Variants in IL1RAPL2 observed in about 807,000 individuals in gnomAD.
IL1RAPL2 encodes the protein X-linked interleukin-1 receptor accessory protein-like 2.
IL1RAPL2 carries 3 observed loss-of-function variants against 44.1 expected under a neutral mutation model. The observed-to-expected ratio is 0.07, with a 90% CI of 0.03 to 0.18. The LOEUF is 0.18. IL1RAPL2 is among the 10% of genes least tolerant of loss of function. The probability of loss-of-function intolerance (pLI) is 1.00; values close to 1 mark genes in which losing one functional copy is unlikely to be tolerated. For synonymous variants in IL1RAPL2, 181 were observed against 178.8 expected (o/e 1.01, Z -0.10); for missense variants, 391 against 496.4 (o/e 0.79, Z 2.02).
intron 2 of IL1RAPL2, among the ~76,000 whole-genome samples, chrX:104,949,372 C>G (rs1212146177): frequency 2.7e-5 from 3 of 110,985 alleles, no homozygotes; most frequent in Admixed American, 1.9e-4. Flanking sequence ...AAAACCAGCT[C>G]CTGGATTCAC....
chrX:105,319,419 TC>T (rs1054264805), intron 5 of IL1RAPL2, among the ~76,000 whole-genome samples: 6 of 111,568 alleles, frequency 5.4e-5, no homozygotes, highest in African/African-American at 1.6e-4. Flanking sequence ...AGGCAGTGGG[TC>T]TAGGAAATTG....
At chrX:104,929,652 T>C (rs1487196689) in intron 2 of IL1RAPL2, among the ~76,000 whole-genome samples, 2 of 112,121 alleles carry the variant, frequency 1.8e-5, no homozygotes, top group Non-Finnish European at 3.8e-5. Flanking sequence ...CATGTGTGTT[T>C]AGGGCAGCAA....
chrX:105,054,977 A>G (rs1325818325), intron 2 of IL1RAPL2, among the ~76,000 whole-genome samples: 3 of 112,683 alleles, frequency 2.7e-5, no homozygotes, highest in African/African-American at 9.7e-5. Context: ...CCATTAAGAT[A>G]TCCTCATTAT....
chrX:104,897,742 C>T (rs1335117147), intron 2 of IL1RAPL2, among the ~76,000 whole-genome samples: 3 of 112,091 alleles, frequency 2.7e-5, no homozygotes, highest in Non-Finnish European at 5.6e-5. Flanking sequence ...TGTAAAGCAA[C>T]ACCAGGCATT....
intron 5 of IL1RAPL2, among the ~76,000 whole-genome samples, chrX:105,281,319 T>C (rs1367673485): frequency 1.8e-5 from 2 of 111,519 alleles, no homozygotes; most frequent in Admixed American, 9.5e-5. Flanking sequence ...AAATACCTAA[T>C]GTAGGTAACG....
intron 1 of IL1RAPL2, among the ~76,000 whole-genome samples, chrX:104,600,084 C>T (rs1425829603): frequency 8.9e-6 from 1 of 111,948 alleles, no homozygotes. Flanking sequence ...TGATGGAAAT[C>T]CTCATTAAAA....
rs768202209 is a variant in IL1RAPL2, at chrX:105,449,445, A to G, written c.698-34868A>G. Among the ~76,000 whole-genome samples the G allele has an allele frequency of 5.2e-4, 58 of 111,010 alleles. 1 individual carries two copies. Among genetic ancestry groups the G allele is most frequent in the African/African-American group, 1.4e-3 (43 of 30,510 alleles). ...TAAAAATACAAAAAATTAGCCGGGC[A>G]TGGTGGCGGGCTCCTGTAGTCCCAG... On this transcript the variant is annotated intron_variant, in intron 5 of 10. Transcript: ENST00000372582.
At chrX:105,641,892 T>C (rs752910655) in intron 6 of IL1RAPL2, among the ~76,000 whole-genome samples, 5 of 111,694 alleles carry the variant, frequency 4.5e-5, no homozygotes, top group Non-Finnish European at 9.4e-5. Flanking sequence ...GAGAAAGGCA[T>C]GGACCTTGAT....
rs73245747 is a variant in IL1RAPL2, at chrX:105,058,615, A to G, written c.83-136860A>G. 1.9e-3 allele frequency among the ~76,000 whole-genome samples: 208 copies of G among 112,306 alleles called. 1 individual carries two copies. The highest frequency in any genetic ancestry group is 9.1e-3 in the Middle Eastern group (2 of 219). On this transcript the variant is annotated intron_variant, in intron 2 of 10. Transcript: ENST00000372582. ...TGTAAAGACACATAGTAGAGATTCA[A>G]TTAAATTTGTTAAATGAATATGTTG...
intron 6 of IL1RAPL2, among the ~76,000 whole-genome samples, chrX:105,564,718 G>A (rs1464912089): frequency 1.8e-5 from 2 of 111,916 alleles, no homozygotes; most frequent in Non-Finnish European, 3.8e-5. Context: ...CCTCTGTGTG[G>A]TGTAGAAAAG....
At position 105,712,323 on chromosome X, in the gene IL1RAPL2, T is replaced by G. The variant is rs906189033; in HGVS notation, c.773-5044T>G. Among the ~76,000 whole-genome samples the G allele has an allele frequency of 2.1e-4, 24 of 111,794 alleles. No homozygotes were observed. In the Admixed American group the frequency reaches 2.3e-3, roughly 11 times the overall value. On this transcript the variant is annotated intron_variant, in intron 6 of 10. Coordinates refer to ENST00000372582, the MANE Select transcript of IL1RAPL2 (RefSeq NM_017416.2). ...CATCTGGGCCCTCTTGAGCCATGGC[T>G]GGGTGGCTGAGGGGTGCTACGCTGG...
intron 2 of IL1RAPL2, among the ~76,000 whole-genome samples, chrX:105,054,164 C>G (rs1820557063): frequency 9.0e-6 from 1 of 110,968 alleles, no homozygotes; most frequent in Non-Finnish European, 1.9e-5. Context: ...CACACACACA[C>G]ACATACACAC....
At position 105,154,947 on chromosome X, in the gene IL1RAPL2, G is replaced by A. The variant is rs567176318; in HGVS notation, c.83-40528G>A. ...ACTACCTTTAAAATTTTAATGGCAC[G>A]ATTCAGCCTTAAAACTTCCAACTCA... On this transcript the variant is annotated intron_variant, in intron 2 of 10. Coordinates refer to ENST00000372582, the MANE Select transcript of IL1RAPL2 (RefSeq NM_017416.2). 5.5e-4 allele frequency among the ~76,000 whole-genome samples: 61 copies of A among 111,599 alleles called. 1 individual carries two copies. Among genetic ancestry groups the A allele is most frequent in the African/African-American group, 1.9e-3 (60 of 30,772 alleles).
chrX:104,659,899 G>A (rs908394494), intron 2 of IL1RAPL2, among the ~76,000 whole-genome samples: 6 of 111,693 alleles, frequency 5.4e-5, no homozygotes, highest in African/African-American at 1.9e-4. Context: ...GGTGCTTGGA[G>A]TTTGGCTAAT....
chrX:104,912,470 A>G (rs780180577), intron 2 of IL1RAPL2, among the ~76,000 whole-genome samples: 2 of 111,324 alleles, frequency 1.8e-5, no homozygotes, highest in Non-Finnish European at 3.8e-5. Flanking sequence ...TAGTATAAGT[A>G]TTAATTTATA....
intron 2 of IL1RAPL2, among the ~76,000 whole-genome samples, chrX:104,964,315 T>G (rs867236934): frequency 3.7e-5 from 4 of 107,591 alleles, no homozygotes; most frequent in African/African-American, 1.4e-4. Context: ...TTTATTTATT[T>G]ATTTTATTTA....
At chrX:105,189,708 A>G (rs1263350329) in intron 2 of IL1RAPL2, among the ~76,000 whole-genome samples, 1 of 111,912 alleles carries the variant, frequency 8.9e-6, no homozygotes, top group Non-Finnish European at 1.9e-5. Flanking sequence ...ACTGTGTATA[A>G]TTCATAGATA....
intron 2 of IL1RAPL2, among the ~76,000 whole-genome samples, chrX:104,907,477 T>C (rs1338537765): frequency 1.8e-5 from 2 of 111,471 alleles, no homozygotes; most frequent in Non-Finnish European, 3.8e-5. Flanking sequence ...GCCTTGAATG[T>C]GTCCCAGAGA....
chrX:104,863,391 G>A (rs1922540283), intron 2 of IL1RAPL2, among the ~76,000 whole-genome samples: 1 of 111,550 alleles, frequency 9.0e-6, no homozygotes, highest in South Asian at 3.8e-4. Context: ...AGTACCCCAA[G>A]GTATAACAAA....
Sources: gnomAD v4.1 joint callset for allele counts (sites outside exome capture counted in the v4.1 genomes callset) on GRCh38, gnomAD v4.1.1 for gene constraint, MANE v1.5 for transcripts, NCBI Gene and HGNC (gene_info 2026-07-23, HGNC 2026-07-21) for gene names.